The following ARMC9 variants were observed in gnomAD, a reference collection of about 807,000 sequenced individuals.
The protein encoded by ARMC9 is armadillo repeat containing 9.
Under a neutral mutation model 107.0 loss-of-function variants are expected in ARMC9, and 94 were observed. That is an observed-to-expected ratio of 0.88 (90% confidence interval 0.74 to 1.04). ARMC9 has a LOEUF of 1.04. Among genes scored for constraint, ARMC9 ranks in the 50% least tolerant of loss-of-function variants. The pLI is 0.00. For synonymous variants in ARMC9, 380 were observed against 396.9 expected, an observed-to-expected ratio of 0.96 and a Z score of 0.51; for missense variants, 942 against 1,030.1, an observed-to-expected ratio of 0.91 and a Z score of 1.17.
chr2:231,316,674 AAAG>A (rs1406589643), intron 19 of ARMC9, among the ~76,000 whole-genome samples: 1 of 151,882 alleles, frequency 6.6e-6, no homozygotes, highest in African/African-American at 2.4e-5. Flanking sequence ...CAAAAAAAAA[AAAG>A]AAAGAAAAAA....
Position 231,280,295 on chromosome 2 carries a change from T to C in ARMC9, c.1552-1764T>C, listed in dbSNP as rs192206256. Reference sequence around the variant, plus strand: ...CATGGTGAAACCCCTTCTCTCCCACTGAAAATACAAAAATTAGCCAGGCAT... The same window carrying C: ...CATGGTGAAACCCCTTCTCTCCCACCGAAAATACAAAAATTAGCCAGGCAT... On this transcript the variant is annotated intron_variant, in intron 16 of 24. Coordinates refer to ENST00000611582, the MANE Select transcript of ARMC9 (RefSeq NM_001352754.2). 1.8e-3 allele frequency among the ~76,000 whole-genome samples: 269 copies of C among 152,036 alleles called. 1 individual carries two copies. The highest frequency in any genetic ancestry group is 3.4e-3 in the Non-Finnish European group (228 of 67,984).
chr2:231,335,845 G>A (rs2044053353), intron 20 of ARMC9, among the ~76,000 whole-genome samples: 1 of 152,174 alleles, frequency 6.6e-6, no homozygotes, highest in East Asian at 1.9e-4. Context: ...GAGAGACGAG[G>A]TGGGAGGATC....
intron 12 of ARMC9, among the ~76,000 whole-genome samples, chr2:231,267,178 C>T (rs1245019641): frequency 6.6e-6 from 1 of 152,118 alleles, no homozygotes; most frequent in Non-Finnish European, 1.5e-5. Context: ...AAACACAGAG[C>T]GTCTGGCGGA....
chr2:231,278,316 A>T (rs1005821477), intron 15 of ARMC9, 66 bp from the exon 16 acceptor site: 5 of 1,518,672 alleles, frequency 3.3e-6, no homozygotes, highest in Non-Finnish European at 4.6e-6. Flanking sequence ...CTCCAAGTCT[A>T]CCTGACCTAA....
At chr2:231,274,791 G>T (rs1250908316) in intron 14 of ARMC9, among the ~76,000 whole-genome samples, 1 of 152,146 alleles carries the variant, frequency 6.6e-6, no homozygotes, top group South Asian at 2.1e-4. Context: ...TGTTTTTAGT[G>T]GGGGAAGGGA....
intron 19 of ARMC9, among the ~76,000 whole-genome samples, chr2:231,326,628 G>A (rs1164336644): frequency 6.6e-6 from 1 of 152,160 alleles, no homozygotes; most frequent in African/African-American, 2.4e-5. Context: ...GAGTGGAGAG[G>A]CGGGGTAGCT....
chr2:231,207,709 C>T (rs1380746204), intron 2 of ARMC9, among the ~76,000 whole-genome samples: 13 of 152,180 alleles, frequency 8.5e-5, no homozygotes, highest in African/African-American at 1.7e-4. Flanking sequence ...TTCCTGACCT[C>T]GTGATCCACC....
intron 1 of ARMC9, among the ~76,000 whole-genome samples, chr2:231,201,999 CTTTCTT>C (rs2031080805): frequency 7.7e-6 from 1 of 130,080 alleles, no homozygotes. Flanking sequence ...TTTTTTCTTT[CTTTCTT>C]TTTTTTTTTT....
rs2039285983 is a variant in ARMC9 at position 231,271,044 on chromosome 2, C to T, written c.1182C>T (p.Leu394=). The T allele has an allele frequency of 1.2e-6, 2 of 1,614,138 alleles. No homozygotes were observed. Among genetic ancestry groups the T allele is most frequent in the Non-Finnish European group, 1.7e-6 (2 of 1,180,030 alleles). The change falls in exon 13 of 25, where the codon CTC becomes CTT. Residue 394 remains leucine, a synonymous_variant. Transcript: ENST00000611582. ...TGGTGCGGCAGTACATGGCCAGGCT[C>T]ATCAATGCTTTTGCGTCACTGGCAG... The part of the protein sequence containing the change: ...SDVVRQYMAR[L]INAFASLAEG...
intron 20 of ARMC9, among the ~76,000 whole-genome samples, chr2:231,338,848 A>G (rs1341564154): frequency 2.0e-5 from 3 of 152,194 alleles, no homozygotes; most frequent in African/African-American, 4.8e-5. Context: ...AAGCATAAAC[A>G]TAAAAATGTA....
rs781594064 is a variant in ARMC9, at chr2:231,255,598, G to A, written c.880-988G>A. On this transcript the variant is annotated intron_variant, in intron 9 of 24. Coordinates refer to ENST00000611582, the MANE Select transcript of ARMC9 (RefSeq NM_001352754.2). The surrounding 1 kb of genome is among the most constrained non-coding windows in gnomAD (Gnocchi z 4.7). ...AAAGAATGGTTACTCCGTAGGCAGA[G>A]CAGCCTCTAGAGTTTTTCTTGGAGT... is the stretch of plus-strand genomic sequence containing the variant. Among the ~76,000 whole-genome samples, 1 of 152,096 alleles carries A rather than the reference G, an allele frequency of 6.6e-6. No individual in the cohort carries two copies. The highest frequency in any genetic ancestry group is 2.4e-5 in the African/African-American group (1 of 41,390).
intron 11 of ARMC9, 54 bp from the exon 12 acceptor site, chr2:231,262,252 C>G: frequency 6.4e-7 from 1 of 1,562,096 alleles, no homozygotes; most frequent in Non-Finnish European, 8.8e-7. Flanking sequence ...CTATGAGAAA[C>G]TTTTCTCCAT....
intron 23 of ARMC9, among the ~76,000 whole-genome samples, chr2:231,369,043 T>G (rs1352236805): frequency 6.6e-6 from 1 of 152,188 alleles, no homozygotes; most frequent in Non-Finnish European, 1.5e-5. Context: ...TATACTTCCA[T>G]CTAAGGGGTG....
At chr2:231,324,794 A>AG (rs2043220563) in intron 19 of ARMC9, among the ~76,000 whole-genome samples, 1 of 151,948 alleles carries the variant, frequency 6.6e-6, no homozygotes, top group Non-Finnish European at 1.5e-5. Flanking sequence ...ACCAAAATGA[A>AG]GACAGGTACA....
intron 9 of ARMC9, among the ~76,000 whole-genome samples, chr2:231,242,982 C>A (rs2036435040): frequency 6.6e-6 from 1 of 152,092 alleles, no homozygotes; most frequent in Non-Finnish European, 1.5e-5. Flanking sequence ...CGTGGTGGCT[C>A]ACGCCTGTAA....
Position 231,358,350 on chromosome 2 carries a change from AATTG to A in ARMC9, c.2132-2375_2132-2372del, listed in dbSNP as rs143556558. Among the ~76,000 whole-genome samples the A allele has an allele frequency of 8.8e-4, 133 of 151,070 alleles. 1 individual carries two copies. In the South Asian group the frequency reaches 0.019, roughly 21 times the overall value. ...CTTCTCCATCCCTCCCCTCCACTTC[AATTG>A]ATTGATTGATTGATTGATTGATTGA... On this transcript the variant is annotated intron_variant, in intron 22 of 24. Coordinates refer to ENST00000611582, the MANE Select transcript of ARMC9 (RefSeq NM_001352754.2). The surrounding 1 kb of genome is among the most constrained non-coding windows in gnomAD (Gnocchi z 4.5).
At chr2:231,258,815 G>A (rs878969425) in intron 10 of ARMC9, 176 bp from the exon 11 acceptor site, 8 of 617,656 alleles carry the variant, frequency 1.3e-5, no homozygotes, top group African/African-American at 7.4e-5. Flanking sequence ...AGCTGAGCTG[G>A]TTGAAGCTGA....
chr2:231,352,604 G>A (rs915685266), intron 21 of ARMC9, among the ~76,000 whole-genome samples: 3 of 151,572 alleles, frequency 2.0e-5, no homozygotes, highest in Admixed American at 6.6e-5. Flanking sequence ...GATTACAGGC[G>A]TGAGCCACCG....
At chr2:231,199,886 T>TG (rs1344846496) in intron 1 of ARMC9, among the ~76,000 whole-genome samples, 8 of 152,026 alleles carry the variant, frequency 5.3e-5, no homozygotes, top group East Asian at 1.9e-4. Context: ...TTAGTAGAGA[T>TG]GGGGTTCCAC....
Sources: gnomAD v4.1 joint callset for allele counts (sites outside exome capture counted in the v4.1 genomes callset) on GRCh38, gnomAD v4.1.1 for gene constraint, Gnocchi (gnomAD v3.1) non-coding constraint, MANE v1.5 for transcripts, NCBI Gene and HGNC (gene_info 2026-07-23, HGNC 2026-07-21) for gene names.